Variants in ATP8A1 observed in about 807,000 individuals in gnomAD.
ATP8A1 encodes ATPase phospholipid transporting 8A1, also known as phospholipid-transporting ATPase IA.
In ATP8A1, 90 loss-of-function variants were observed where a neutral mutation model predicts 177.7. That is an observed-to-expected ratio of 0.51 (90% confidence interval 0.43 to 0.60). The LOEUF is 0.60. ATP8A1 is among the 20% of genes least tolerant of loss of function. ATP8A1 has a pLI of 0.00. For synonymous variants in ATP8A1, 493 were observed against 485.9 expected, an observed-to-expected ratio of 1.01 and a Z score of -0.19; for missense variants, 1,072 against 1,392.8, an observed-to-expected ratio of 0.77 and a Z score of 3.67.
At chr4:42,456,513 A>C (rs1418138863) in intron 27 of ATP8A1, among the ~76,000 whole-genome samples, 1 of 152,160 alleles carries the variant, frequency 6.6e-6, no homozygotes, top group African/African-American at 2.4e-5. Flanking sequence ...AGAAATCTTA[A>C]CTTTGGAAAC....
chr4:42,493,505 A>G (rs1359360743), intron 24 of ATP8A1, among the ~76,000 whole-genome samples: 1 of 152,206 alleles, frequency 6.6e-6, no homozygotes, highest in Non-Finnish European at 1.5e-5. Flanking sequence ...ATTATATCAC[A>G]CATATCAAAA....
At chr4:42,553,780 T>C (rs1026891863) in intron 16 of ATP8A1, among the ~76,000 whole-genome samples, 3 of 152,164 alleles carry the variant, frequency 2.0e-5, no homozygotes, top group African/African-American at 4.8e-5. Context: ...TATACACGTA[T>C]TGTTTACTTA....
At chr4:42,430,211 C>T (rs908642685) in intron 33 of ATP8A1, among the ~76,000 whole-genome samples, 1 of 152,082 alleles carries the variant, frequency 6.6e-6, no homozygotes, top group African/African-American at 2.4e-5. Flanking sequence ...AGAATCTACC[C>T]ACTTCACGCC....
intron 12 of ATP8A1, among the ~76,000 whole-genome samples, chr4:42,576,080 C>A (rs1732416476): frequency 6.6e-6 from 1 of 152,094 alleles, no homozygotes; most frequent in Admixed American, 6.6e-5. Context: ...TAGAACTCAG[C>A]AACTAAGAAC....
chr4:42,413,245 G>A (rs555590735), intron 36 of ATP8A1, among the ~76,000 whole-genome samples: 2 of 152,284 alleles, frequency 1.3e-5, no homozygotes, highest in Admixed American at 1.3e-4. Flanking sequence ...CTCTCTAGAA[G>A]ACTGAGTAGG....
chr4:42,639,895 T>C (rs554662995), intron 1 of ATP8A1, among the ~76,000 whole-genome samples: 14 of 152,366 alleles, frequency 9.2e-5, no homozygotes, highest in Non-Finnish European at 2.1e-4. Flanking sequence ...CTTGTATATT[T>C]TAAATCATCT....
intron 13 of ATP8A1, 89 bp from the exon 14 acceptor site, chr4:42,574,796 T>C: frequency 1.2e-6 from 1 of 811,348 alleles, no homozygotes; most frequent in East Asian, 2.8e-5. Flanking sequence ...TTATTAACAT[T>C]GCAGGGGCAC....
At chr4:42,422,711 G>A (rs1443642279) in intron 35 of ATP8A1, 96 bp downstream of exon 35, 1 of 933,890 alleles carries the variant, frequency 1.1e-6, no homozygotes, top group Non-Finnish European at 1.6e-6. Context: ...CCAGCTTGAT[G>A]CTGACAAATA....
chr4:42,550,161 A>G (rs938497945), intron 18 of ATP8A1, among the ~76,000 whole-genome samples: 1 of 151,330 alleles, frequency 6.6e-6, no homozygotes, highest in African/African-American at 2.4e-5. Context: ...CTGCATAAAA[A>G]TGAAATTAAA....
At chr4:42,418,018 A>G (rs1311339046) in intron 35 of ATP8A1, among the ~76,000 whole-genome samples, 1 of 152,240 alleles carries the variant, frequency 6.6e-6, no homozygotes, top group Non-Finnish European at 1.5e-5. Context: ...TATTTAAGTC[A>G]TACTGATATA....
At chr4:42,602,937 G>A (rs1735442214) in intron 5 of ATP8A1, among the ~76,000 whole-genome samples, 1 of 152,032 alleles carries the variant, frequency 6.6e-6, no homozygotes, top group Admixed American at 6.5e-5. Flanking sequence ...CAGAGTGAGT[G>A]GGCTATAAGT....
At position 42,604,397 on chromosome 4, in the gene ATP8A1, G is replaced by A. The variant is rs948315440; in HGVS notation, c.410-3879C>T. On this transcript the variant is annotated intron_variant, in intron 5 of 36. Coordinates refer to ENST00000381668, the MANE Select transcript of ATP8A1 (RefSeq NM_006095.2). ...AGAAACCTTCCCTATTATACTCACT[G>A]TTACCATTCCAGTGTTATCACACAG... 2.0e-5 allele frequency among the ~76,000 whole-genome samples: 3 copies of A among 149,572 alleles called. No individual in the cohort carries two copies. In the Admixed American group the frequency reaches 2.0e-4, roughly 10 times the overall value.
At chr4:42,459,799 TA>T (rs1718899112) in intron 27 of ATP8A1, among the ~76,000 whole-genome samples, 1 of 152,162 alleles carries the variant, frequency 6.6e-6, no homozygotes, top group Non-Finnish European at 1.5e-5. Context: ...TTTATTTATT[TA>T]TTTTTTTGAG....
rs1560354254 is a variant in ATP8A1 at position 42,464,999 on chromosome 4, T to A, written c.2402A>T (p.Asp801Val). The change falls in exon 26 of 37, where the codon GAT (aspartate) becomes GTT (valine). Residue 801 changes from aspartate (D) to valine (V), a missense_variant. Transcript: ENST00000381668. ...TATCATGCTGACATCATTTGCTCCA[T>A]CACCGATTGCAAGCGTTACGACTTT... ...QVKVVTLAIGDGANDVSMIQT... is the reference protein window; with the variant it reads ...QVKVVTLAIGVGANDVSMIQT... 6.2e-7 allele frequency: 1 copy of A among 1,614,190 alleles called. No individual in the cohort carries two copies. The highest frequency in any genetic ancestry group is 1.7e-5 in the Admixed American group (1 of 60,022).
chr4:42,617,874 C>A (rs1391024306), intron 4 of ATP8A1, among the ~76,000 whole-genome samples: 8 of 152,180 alleles, frequency 5.3e-5, no homozygotes, highest in Non-Finnish European at 1.2e-4. Context: ...TATTAAGAAT[C>A]TATCTCAATA....
rs1732365399 is a variant in ATP8A1, at chr4:42,575,610, A to C, written c.1206+12T>G. The C allele has an allele frequency of 6.2e-7, 1 of 1,610,794 alleles. No homozygotes were observed. The highest frequency in any genetic ancestry group is 8.5e-7 in the Non-Finnish European group (1 of 1,177,404). On this transcript the variant is annotated intron_variant, in intron 13 of 36. Coordinates refer to ENST00000381668, the MANE Select transcript of ATP8A1 (RefSeq NM_006095.2). ...TTAATTCCACACATAATCAACAATA[A>C]ATTGAGTTTACCTGGCCAAGTTCCT...
intron 30 of ATP8A1, among the ~76,000 whole-genome samples, chr4:42,448,828 G>GTTTTTTTTTT (rs55946444): frequency 8.3e-5 from 7 of 84,206 alleles, no homozygotes; most frequent in African/African-American, 3.2e-4. Flanking sequence ...TGTACTTTGC[G>GTTTTTTTTTT]TTTTTTTTTT....
intron 22 of ATP8A1, among the ~76,000 whole-genome samples, chr4:42,512,922 A>T (rs1725161403): frequency 6.6e-6 from 1 of 152,196 alleles, no homozygotes; most frequent in South Asian, 2.1e-4. Flanking sequence ...GAATACTGTA[A>T]AGTTTGAGGG....
chr4:42,625,692 GATT>G lies in ATP8A1; in HGVS notation c.183_185del (p.Ile62del). ...AGTAGAGAAATCTTGGAAGGAATGT[GATT>G]ATGTTGTATTTTGCAGTGCTAGAAA... On this transcript the variant is annotated inframe_deletion, in exon 3 of 37. Transcript: ENST00000381668. 1 of 1,603,974 alleles carries G rather than the reference GATT, an allele frequency of 6.2e-7. No individual in the cohort carries two copies. Among genetic ancestry groups the G allele is most frequent in the Non-Finnish European group, 8.5e-7 (1 of 1,174,900 alleles).
Sources: allele counts gnomAD v4.1 joint callset (sites outside exome capture counted in the v4.1 genomes callset), GRCh38; gene constraint gnomAD v4.1.1; transcripts MANE v1.5; gene names NCBI Gene and HGNC (gene_info 2026-07-23, HGNC 2026-07-21).